Variants in ROBO2 observed in about 807,000 individuals in gnomAD.
ROBO2 encodes the protein roundabout guidance receptor 2.
A neutral mutation model predicts 160.8 loss-of-function variants in ROBO2; 53 were observed. That is an observed-to-expected ratio of 0.33 (90% confidence interval 0.26 to 0.41). The LOEUF is 0.41. ROBO2 is among the 10% of genes least tolerant of loss of function. The pLI, the probability that ROBO2 is intolerant of heterozygous loss-of-function variation, is 1.00. For missense variants in ROBO2, 1,577 were observed against 1,722.4 expected (o/e 0.92, Z 1.49); for synonymous variants, 664 against 611.7 (o/e 1.09, Z -1.26).
chr3:76,885,319 G>A (rs1484149079), intron 2 of ROBO2, among the ~76,000 whole-genome samples: 2 of 152,010 alleles, frequency 1.3e-5, no homozygotes, highest in East Asian at 3.9e-4. Flanking sequence ...GGTGACTATT[G>A]AATTAAGCTT....
intron 2 of ROBO2, among the ~76,000 whole-genome samples, chr3:77,233,786 T>G (rs914277405): frequency 2.0e-5 from 3 of 152,194 alleles, no homozygotes. Flanking sequence ...TTAATTACCT[T>G]ATATCTGGTT....
chr3:76,803,564 GA>G (rs1185504384), intron 2 of ROBO2, among the ~76,000 whole-genome samples: 19 of 150,444 alleles, frequency 1.3e-4, no homozygotes, highest in East Asian at 1.9e-4. Context: ...AAGGAGAGAG[GA>G]AAAAAAACAC....
chr3:76,414,658 C>A (rs1045776486), intron 2 of ROBO2, among the ~76,000 whole-genome samples: 1 of 148,812 alleles, frequency 6.7e-6, no homozygotes, highest in African/African-American at 2.5e-5. Flanking sequence ...GGAGATATAC[C>A]TAATGCTAGA....
chr3:77,406,239 T>C (rs2076244888), intron 2 of ROBO2, among the ~76,000 whole-genome samples: 1 of 152,110 alleles, frequency 6.6e-6, no homozygotes, highest in Admixed American at 6.6e-5. Context: ...GAGACGAGCA[T>C]GGGGGAAACC....
At chr3:76,248,377 A>G (rs1705759552) in intron 2 of ROBO2, among the ~76,000 whole-genome samples, 1 of 151,694 alleles carries the variant, frequency 6.6e-6, no homozygotes, top group African/African-American at 2.4e-5. Context: ...CATTCTCAGT[A>G]AACTATCGCA....
chr3:76,412,673 T>A (rs1442177290), intron 2 of ROBO2, among the ~76,000 whole-genome samples: 3 of 152,174 alleles, frequency 2.0e-5, no homozygotes, highest in African/African-American at 4.8e-5. Context: ...CTCTAGGTCA[T>A]GCTGATGGAA....
chr3:76,487,921 A>C (rs2079586936), intron 2 of ROBO2, among the ~76,000 whole-genome samples: 1 of 152,168 alleles, frequency 6.6e-6, no homozygotes, highest in African/African-American at 2.4e-5. Flanking sequence ...ACTCTCTCTG[A>C]GTTTAGCCTG....
chr3:77,169,593 C>T (rs998565943), intron 2 of ROBO2, among the ~76,000 whole-genome samples: 4 of 152,114 alleles, frequency 2.6e-5, no homozygotes, highest in Admixed American at 6.5e-5. Context: ...AATTACTTTG[C>T]TCCCTGCAAA....
chr3:76,131,860 T>C (rs533430945), intron 2 of ROBO2, among the ~76,000 whole-genome samples: 2 of 152,328 alleles, frequency 1.3e-5, no homozygotes, highest in South Asian at 4.1e-4. Flanking sequence ...TAACTGTTTA[T>C]TTCACAATCA....
intron 2 of ROBO2, among the ~76,000 whole-genome samples, chr3:76,001,252 C>T (rs780932452): frequency 1.3e-5 from 2 of 152,136 alleles, no homozygotes; most frequent in African/African-American, 2.4e-5. Flanking sequence ...TAGATATGAT[C>T]ATCTCTTCCC....
intron 2 of ROBO2, among the ~76,000 whole-genome samples, chr3:77,313,579 G>T (rs139833477): frequency 1.3e-5 from 2 of 151,676 alleles, no homozygotes; most frequent in African/African-American, 4.8e-5. Flanking sequence ...GCTTTGTTTT[G>T]TGTTTTTTGG....
chr3:76,907,823 GGTGTGTGTGTGTGTGT>G (rs71104638), intron 2 of ROBO2, among the ~76,000 whole-genome samples: 1 of 145,432 alleles, frequency 6.9e-6, no homozygotes, highest in Admixed American at 6.8e-5. Flanking sequence ...GTTTGTTTGG[GGTGTGTGTGTGTGTGT>G]GTGTGTGTGT....
At chr3:77,214,944 G>A (rs2151134967) in intron 2 of ROBO2, among the ~76,000 whole-genome samples, 1 of 151,538 alleles carries the variant, frequency 6.6e-6, no homozygotes, top group East Asian at 2.0e-4. Flanking sequence ...TCTGCCGAGA[G>A]ATCAGCTGTT....
chr3:76,263,247 G>A (rs1371527891), intron 2 of ROBO2, among the ~76,000 whole-genome samples: 1 of 151,760 alleles, frequency 6.6e-6, no homozygotes, highest in Non-Finnish European at 1.5e-5. Context: ...CTTTTTTTTG[G>A]GGAAGGGTCT....
At chr3:76,456,022 A>G (rs2077733315) in intron 2 of ROBO2, among the ~76,000 whole-genome samples, 1 of 152,182 alleles carries the variant, frequency 6.6e-6, no homozygotes, top group Non-Finnish European at 1.5e-5. Flanking sequence ...TAATAAGACA[A>G]TACATGTCTC....
chr3:76,699,234 G>A, intron 2 of ROBO2, among the ~76,000 whole-genome samples: 2 of 152,228 alleles, frequency 1.3e-5, no homozygotes, highest in South Asian at 4.1e-4. Flanking sequence ...TGCTTCTTTT[G>A]TTTGGCTCCT....
chr3:76,875,897 G>C (rs1040060206), intron 2 of ROBO2, among the ~76,000 whole-genome samples: 5 of 151,946 alleles, frequency 3.3e-5, no homozygotes, highest in Non-Finnish European at 7.4e-5. Flanking sequence ...CAGGTGATCT[G>C]CCTGCTTTGG....
intron 2 of ROBO2, among the ~76,000 whole-genome samples, chr3:76,066,509 T>A (rs4484199): frequency 1.3e-5 from 2 of 151,864 alleles, no homozygotes; most frequent in South Asian, 4.2e-4. Flanking sequence ...ACTAATAAGT[T>A]TTTGCAAAAA....
At chr3:77,602,324 A>C (rs769091634) in exon 20 of ROBO2, 1 of 1,614,160 alleles carries the variant, frequency 6.2e-7, no homozygotes, top group Non-Finnish European at 8.5e-7. Flanking sequence ...AGTTCCAGCC[A>C]AATAACACAG....
Sources: allele counts gnomAD v4.1 joint callset (sites outside exome capture counted in the v4.1 genomes callset), GRCh38; gene constraint gnomAD v4.1.1; transcripts MANE v1.5; gene names NCBI Gene and HGNC (gene_info 2026-07-23, HGNC 2026-07-21).